Variants in TMEM135 observed in about 807,000 individuals in gnomAD.
TMEM135 encodes the protein transmembrane protein 135.
Under a neutral mutation model 60.3 loss-of-function variants are expected in TMEM135, and 30 were observed. The ratio of observed to expected loss-of-function variants is 0.50; its 90% CI spans 0.37 to 0.68. The LOEUF is 0.68. TMEM135 is among the 30% of genes least tolerant of loss of function. The pLI is 0.00. For synonymous variants in TMEM135, 190 were observed against 186.7 expected (o/e 1.02, Z -0.14); for missense variants, 468 against 548.8 (o/e 0.85, Z 1.47).
At chr11:87,318,116 T>C in intron 12 of TMEM135, 21 bp from the exon 13 acceptor site, 1 of 1,592,358 alleles carries the variant, frequency 6.3e-7, no homozygotes, top group Admixed American at 1.7e-5. Context: ...TTATAACTCT[T>C]GTCTTATGCT....
intron 5 of TMEM135, among the ~76,000 whole-genome samples, chr11:87,229,940 G>T (rs1940855841): frequency 6.6e-6 from 1 of 152,002 alleles, no homozygotes; most frequent in African/African-American, 2.4e-5. Context: ...TTTTTGAGGT[G>T]TAGTTTATAT....
intron 1 of TMEM135, among the ~76,000 whole-genome samples, chr11:87,061,770 G>A (rs949741096): frequency 2.0e-5 from 3 of 152,094 alleles, no homozygotes; most frequent in Non-Finnish European, 4.4e-5. Flanking sequence ...GGAAAGAAAC[G>A]GGAATAACAA....
chr11:87,274,751 A>G (rs1297500512), intron 6 of TMEM135, among the ~76,000 whole-genome samples: 1 of 150,132 alleles, frequency 6.7e-6, no homozygotes, highest in African/African-American at 2.5e-5. Context: ...GCTTGAGGCT[A>G]GGAGTTCAAA....
Position 87,286,728 on chromosome 11 carries a change from A to C in TMEM135, c.510-9054A>C, listed in dbSNP as rs545486867. 3.9e-5 allele frequency among the ~76,000 whole-genome samples: 6 copies of C among 152,354 alleles called. No homozygotes were observed. The South Asian group carries it at 1.2e-3, about 32-fold the overall frequency. ...ACAAATTAGAGGCATTTAAATAGGCATCCTGGTTCCTTTTTGACTTTCAAA... is the reference window on the plus strand; with the variant it reads ...ACAAATTAGAGGCATTTAAATAGGCCTCCTGGTTCCTTTTTGACTTTCAAA... On this transcript the variant is annotated intron_variant, in intron 6 of 14. Transcript: ENST00000305494.
intron 5 of TMEM135, among the ~76,000 whole-genome samples, chr11:87,183,315 G>A (rs576930366): frequency 6.6e-6 from 1 of 151,234 alleles, no homozygotes; most frequent in East Asian, 2.0e-4. Context: ...GTTAATTTTT[G>A]TATTTTTAGT....
intron 5 of TMEM135, among the ~76,000 whole-genome samples, chr11:87,223,667 G>GCACACACA (rs113588295): frequency 3.8e-4 from 45 of 118,466 alleles, no homozygotes; most frequent in South Asian, 1.9e-3. Context: ...GCACATGCAC[G>GCACACACA]CACACACACA....
chr11:87,221,430 C>G (rs1940614632), intron 5 of TMEM135, among the ~76,000 whole-genome samples: 1 of 152,154 alleles, frequency 6.6e-6, no homozygotes, highest in African/African-American at 2.4e-5. Flanking sequence ...AATATTGACA[C>G]CATCGTTGTT....
intron 4 of TMEM135, among the ~76,000 whole-genome samples, chr11:87,093,791 C>T (rs1260049472): frequency 6.6e-6 from 1 of 152,124 alleles, no homozygotes; most frequent in Non-Finnish European, 1.5e-5. Context: ...CTCAGCCTCC[C>T]AAAGTGCTGT....
chr11:87,246,086 T>C (rs1218264027), intron 6 of TMEM135, among the ~76,000 whole-genome samples: 4 of 140,070 alleles, frequency 2.9e-5, no homozygotes, highest in Admixed American at 2.8e-4. Context: ...GTCTGTAAAG[T>C]ATTTTATTTC....
intron 4 of TMEM135, among the ~76,000 whole-genome samples, chr11:87,124,495 T>G (rs1385697040): frequency 6.6e-6 from 1 of 152,186 alleles, no homozygotes; most frequent in Non-Finnish European, 1.5e-5. Context: ...GGCTCAAATG[T>G]GACCTGTGTA....
intron 3 of TMEM135, among the ~76,000 whole-genome samples, chr11:87,080,169 T>G (rs1591003137): frequency 2.0e-5 from 1 of 49,030 alleles, no homozygotes; most frequent in African/African-American, 1.5e-4. Flanking sequence ...GTTTGCAGTG[T>G]TTTTTTTTTT....
At chr11:87,150,198 A>G (rs1194877028) in intron 4 of TMEM135, among the ~76,000 whole-genome samples, 2 of 147,888 alleles carry the variant, frequency 1.4e-5, no homozygotes, top group African/African-American at 5.0e-5. Context: ...CTGGGCAACA[A>G]GAGCGAAACT....
intron 6 of TMEM135, among the ~76,000 whole-genome samples, chr11:87,267,958 T>C (rs1047426485): frequency 6.6e-6 from 1 of 151,948 alleles, no homozygotes; most frequent in African/African-American, 2.4e-5. Context: ...TCCTAAAGTG[T>C]TGGGATTACA....
chr11:87,074,965 G>T (rs1856840447), intron 3 of TMEM135, among the ~76,000 whole-genome samples: 1 of 151,526 alleles, frequency 6.6e-6, no homozygotes, highest in South Asian at 2.1e-4. Flanking sequence ...CTTGAGATAG[G>T]GTCTTGCTTT....
At chr11:87,260,461 T>C (rs1296504250) in intron 6 of TMEM135, among the ~76,000 whole-genome samples, 1 of 152,186 alleles carries the variant, frequency 6.6e-6, no homozygotes, top group African/African-American at 2.4e-5. Flanking sequence ...GCCTAACTTG[T>C]TGAAATTACT....
At chr11:87,172,425 T>G (rs1047037119) in intron 5 of TMEM135, among the ~76,000 whole-genome samples, 2 of 151,890 alleles carry the variant, frequency 1.3e-5, no homozygotes, top group African/African-American at 4.8e-5. Flanking sequence ...AAAGTAGGTT[T>G]TTTTTTTTTA....
chr11:87,171,544 A>G (rs1204764556), intron 5 of TMEM135, among the ~76,000 whole-genome samples: 1 of 152,134 alleles, frequency 6.6e-6, no homozygotes, highest in African/African-American at 2.4e-5. Context: ...AAGGGAAATA[A>G]TGAAAAAATA....
intron 1 of TMEM135, among the ~76,000 whole-genome samples, chr11:87,059,930 A>C (rs546530246): frequency 6.6e-6 from 1 of 152,034 alleles, no homozygotes; most frequent in Non-Finnish European, 1.5e-5. Context: ...CCTGCATAAA[A>C]TGGTGAAAAT....
chr11:87,060,785 G>A (rs749297878), intron 1 of TMEM135, among the ~76,000 whole-genome samples: 1 of 151,934 alleles, frequency 6.6e-6, no homozygotes, highest in African/African-American at 2.4e-5. Flanking sequence ...TGGGAGTACA[G>A]GTGCCCACCA....
Sources: gnomAD v4.1 joint callset for allele counts (sites outside exome capture counted in the v4.1 genomes callset) on GRCh38, gnomAD v4.1.1 for gene constraint, MANE v1.5 for transcripts, NCBI Gene and HGNC (gene_info 2026-07-23, HGNC 2026-07-21) for gene names.